Variants in SLC26A6 observed in about 807,000 individuals in gnomAD.
SLC26A6 encodes the protein solute carrier family 26 member 6.
Under a neutral mutation model 87.1 loss-of-function variants are expected in SLC26A6, and 67 were observed. The observed-to-expected ratio is 0.77, with a 90% CI of 0.63 to 0.94. The LOEUF is 0.94. Among genes scored for constraint, SLC26A6 ranks in the 40% least tolerant of loss-of-function variants. The probability of loss-of-function intolerance (pLI) is 0.00; values close to 1 mark genes in which losing one functional copy is unlikely to be tolerated. For missense variants in SLC26A6, 902 were observed against 973.0 expected (o/e 0.93, Z 0.97); for synonymous variants, 414 against 405.9 (o/e 1.02, Z -0.24).
At position 48,633,346 on chromosome 3, in the gene SLC26A6, G is replaced by A. The variant is rs375255971; in HGVS notation, c.227C>T (p.Pro76Leu). Residue 76 changes from proline to leucine, a missense_variant, in exon 3 of 21, where the codon CCG becomes CTG. Coordinates refer to ENST00000395550, the MANE Select transcript of SLC26A6 (RefSeq NM_022911.3). ...ATACCGGGGTAACCAGACCAAAACC[G>A]GGAGGTGTTGGAGCAGAAGGGCATA... Reference protein sequence around the residue: ...RAYALLLQHLPVLVWLPRYPV... With the variant: ...RAYALLLQHLLVLVWLPRYPV... 172 of 1,613,436 alleles carry A rather than the reference G, an allele frequency of 1.1e-4. No homozygotes were observed. Among genetic ancestry groups the A allele is most frequent in the Non-Finnish European group, 2.4e-5 (28 of 1,180,010 alleles).
rs767872034 is a variant in SLC26A6 at position 48,626,992 on chromosome 3, G to C, written c.1957C>G (p.Pro653Ala). 1.9e-6 allele frequency: 3 copies of C among 1,614,198 alleles called. No homozygotes were observed. The highest frequency in any genetic ancestry group is 1.7e-6 in the Non-Finnish European group (2 of 1,180,034). The change falls in exon 18 of 21, where the codon CCA (proline) becomes GCA (alanine). Residue 653 changes from proline (P) to alanine (A), a missense_variant. By Grantham distance (27) the Pro-to-Ala change is conservative. Around this residue, in one of 3 missense-constraint regions of SLC26A6, gnomAD observed 800 missense variants for 856.8 expected, o/e 0.93. Transcript: ENST00000395550. The part of the protein sequence containing the change: ...TANGQEDSKA[P>A]DGSTLKALGL... ...AGGGCCTTCAGTGTGGACCCATCTGGGGCCTTGGAGTCTTCTTGACCATTG... is the reference window on the plus strand; with the variant it reads ...AGGGCCTTCAGTGTGGACCCATCTGCGGCCTTGGAGTCTTCTTGACCATTG...
chr3:48,626,474 A>G (rs2046625854), intron 19 of SLC26A6, 120 bp from the exon 20 acceptor site: 3 of 1,543,272 alleles, frequency 1.9e-6, no homozygotes, highest in Non-Finnish European at 2.7e-6. Flanking sequence ...CTACAGCTGA[A>G]TCCACATCAC....
chr3:48,628,957 T>G lies in SLC26A6; in HGVS notation c.1600-243A>C, dbSNP rs1487563285. On this transcript the variant is annotated intron_variant, in intron 14 of 20. Transcript: ENST00000395550. The surrounding 1 kb of genome is among the most constrained non-coding windows in gnomAD (Gnocchi z 4.4). The stretch of plus-strand genomic sequence containing the variant: ...CCACCCAGGCAGGCTTCACAGGCTC[T>G]TAACCTTTCTCTTGGGTTTCCAACC... Among the ~76,000 whole-genome samples the G allele has an allele frequency of 6.6e-6, 1 of 152,150 alleles. No homozygotes were observed. Among genetic ancestry groups the G allele is most frequent in the African/African-American group, 2.4e-5 (1 of 41,412 alleles).
intron 17 of SLC26A6, chr3:48,627,296 C>T: frequency 1.9e-6 from 1 of 527,054 alleles, no homozygotes; most frequent in Non-Finnish European, 3.4e-6. Context: ...CGACGCTGCA[C>T]AGGGACACGA....
chr3:48,630,121 C>G lies in SLC26A6; in HGVS notation c.1363G>C (p.Gly455Arg), dbSNP rs2046742781. The change falls in exon 12 of 21, where the codon GGC becomes CGC. Residue 455 changes from glycine to arginine, a missense_variant. By Grantham distance (125) the Gly-to-Arg change is moderately radical. Around this residue, in one of 3 missense-constraint regions of SLC26A6, gnomAD observed 800 missense variants for 856.8 expected, o/e 0.93. Transcript: ENST00000395550. ...ATGTCGCTGAGCTGCCTCAGCATGC[C>G]CTTCAGGTTCACAATGATGATGGCT... is the stretch of plus-strand genomic sequence containing the variant. ...LAAIIIVNLK[G>R]MLRQLSDMRS... 6.2e-7 allele frequency: 1 copy of G among 1,610,692 alleles called. No individual in the cohort carries two copies.
rs895932417 is a variant in SLC26A6, at chr3:48,631,019, G to A, written c.1108C>T (p.His370Tyr). 1 of 1,613,840 alleles carries A rather than the reference G, an allele frequency of 6.2e-7. No homozygotes were observed. Among genetic ancestry groups the A allele is most frequent in the Non-Finnish European group, 8.5e-7 (1 of 1,180,030 alleles). Residue 370 changes from histidine (H) to tyrosine (Y), a missense_variant, in exon 9 of 21, where the codon CAC (histidine) becomes TAC (tyrosine). By Grantham distance (83) the His-to-Tyr change is moderately conservative (BLOSUM62 2). Coordinates refer to ENST00000395550, the MANE Select transcript of SLC26A6 (RefSeq NM_022911.3). The part of the protein sequence containing the change: ...ISLGKIFALR[H>Y]GYRVDSNQEL... The stretch of plus-strand genomic sequence containing the variant: ...TGGTTGCTGTCCACCCGGTAGCCGT[G>A]CCTCAGGGCGAAGATCTTCCCCAGT...
At position 48,627,135 on chromosome 3, in the gene SLC26A6, C is replaced by A. The variant is rs878914287; in HGVS notation, c.1894-80G>T. On this transcript the variant is annotated intron_variant, in intron 17 of 20. Transcript: ENST00000395550. ...GGCCGCACACAGACACGCGAGAACACGCAAGGTCAGATGGGGAGCATGCAT... is the reference window on the plus strand; with the variant it reads ...GGCCGCACACAGACACGCGAGAACAAGCAAGGTCAGATGGGGAGCATGCAT... 7.9e-6 allele frequency: 12 copies of A among 1,525,464 alleles called. No homozygotes were observed. The Admixed American group carries it at 2.1e-4, about 27-fold the overall frequency. The allele number at this position is 1,525,464 out of a possible 1,614,324, so 94.5% of individuals were successfully genotyped here.
chr3:48,631,272 C>A lies in SLC26A6; in HGVS notation c.938G>T (p.Gly313Val), dbSNP rs1335271854. Residue 313 changes from glycine (G) to valine (V), a missense_variant, in exon 8 of 21, where the codon GGT becomes GTT. By Grantham distance (109) the Gly-to-Val change is moderately radical. This residue lies in a region of SLC26A6 where 800 missense variants were observed against 856.8 expected (regional missense o/e 0.93). Coordinates refer to ENST00000395550, the MANE Select transcript of SLC26A6 (RefSeq NM_022911.3). Reference protein sequence around the residue: ...IGATGISYGMGLKHRFEVDVV... With the variant: ...IGATGISYGMVLKHRFEVDVV... ...ATCTACCTCAAATCTGTGCTTTAGACCCATGCCATAGGAGATGCCTGTGGC... is the reference window on the plus strand; with the variant it reads ...ATCTACCTCAAATCTGTGCTTTAGAACCATGCCATAGGAGATGCCTGTGGC... 2 of 1,608,188 alleles carry A rather than the reference C, an allele frequency of 1.2e-6. No homozygotes were observed. Among genetic ancestry groups the A allele is most frequent in the Non-Finnish European group, 1.7e-6 (2 of 1,176,782 alleles).
chr3:48,626,376 C>T (rs2046622392), intron 19 of SLC26A6, 22 bp from the exon 20 acceptor site: 2 of 1,613,690 alleles, frequency 1.2e-6, no homozygotes, highest in Admixed American at 1.7e-5. Flanking sequence ...AAGTAGGCCT[C>T]CCCTGACTCT....
In SLC26A6 at chr3:48,631,194, C is replaced by T. The variant is rs1310150363; in HGVS notation, c.986+30G>A. ...AAGGTCCTGTCCTGGCTGCCCAACC[C>T]TCCCTGACCTGATGGAGGCCAGAGC... On this transcript the variant is annotated intron_variant, in intron 8 of 20. Coordinates refer to ENST00000395550, the MANE Select transcript of SLC26A6 (RefSeq NM_022911.3). 3.1e-6 allele frequency: 5 copies of T among 1,611,944 alleles called. No homozygotes were observed. In the East Asian group the frequency reaches 6.7e-5, roughly 22 times the overall value.
At chr3:48,631,477 G>T in intron 7 of SLC26A6, 171 bp from the exon 8 acceptor site, 1 of 1,102,680 alleles carries the variant, frequency 9.1e-7, no homozygotes, top group Non-Finnish European at 1.3e-6. Flanking sequence ...GGGAGATGCT[G>T]TCAGGGGCAG....
chr3:48,630,504 G>A lies in SLC26A6; in HGVS notation c.1260C>T (p.Ala420=). Residue 420 remains alanine (A), a synonymous_variant, in exon 11 of 21, where the codon GCC becomes GCT. Coordinates refer to ENST00000395550, the MANE Select transcript of SLC26A6 (RefSeq NM_022911.3). ...TGAGGAGGATGAAAAGGGAAGAGAT[G>A]GCTCCAGCAACCTGTTCGGGGAGGG... ...STGGNSQVAG[A]ISSLFILLII... 1 of 1,561,180 alleles carries A rather than the reference G, an allele frequency of 6.4e-7. No homozygotes were observed. The highest frequency in any genetic ancestry group is 8.7e-7 in the Non-Finnish European group (1 of 1,152,360).
intron 1 of SLC26A6, among the ~76,000 whole-genome samples, chr3:48,635,136 G>T (rs1325650597): frequency 1.3e-5 from 2 of 152,236 alleles, no homozygotes; most frequent in Non-Finnish European, 2.9e-5. Context: ...TGTGGCCCGG[G>T]ATGGCCCTCG....
intron 20 of SLC26A6, 106 bp downstream of exon 20, chr3:48,626,112 G>A: frequency 1.2e-6 from 2 of 1,610,954 alleles, no homozygotes; most frequent in Non-Finnish European, 1.7e-6. Context: ...GGGCCCACTG[G>A]GGACAGAGCC....
chr3:48,631,396 G>A, intron 7 of SLC26A6, 90 bp from the exon 8 acceptor site: 1 of 1,376,376 alleles, frequency 7.3e-7, no homozygotes, highest in African/African-American at 1.5e-5. Context: ...GGGAGATACT[G>A]GGCAAAACCT....
chr3:48,633,548 G>C lies in SLC26A6; in HGVS notation c.111C>G (p.Asn37Lys), dbSNP rs761760284. Reference protein sequence around the residue: ...RDYHMERPLLNQEHLEELGRW... With the variant: ...RDYHMERPLLKQEHLEELGRW... ...GCCCCAGCTCCTCCAAATGCTCCTG[G>C]TTCAGCAGCGGCCGTTCCATGTGGT... Residue 37 changes from asparagine to lysine, a missense_variant, in exon 2 of 21, where the codon AAC (asparagine) becomes AAG (lysine). Coordinates refer to ENST00000395550, the MANE Select transcript of SLC26A6 (RefSeq NM_022911.3). The C allele has an allele frequency of 1.2e-6, 2 of 1,613,524 alleles. No homozygotes were observed. Among genetic ancestry groups the C allele is most frequent in the East Asian group, 4.5e-5 (2 of 44,880 alleles).
rs1213738658 is a variant in SLC26A6, at chr3:48,625,839, T to TG, written c.*146dup. The TG allele has an allele frequency of 2.6e-5, 27 of 1,026,058 alleles. No individual in the cohort carries two copies. The highest frequency in any genetic ancestry group is 4.9e-5 in the East Asian group (2 of 41,042). 63.6% of individuals were successfully genotyped at this position (1,026,058 alleles called of 1,614,324 possible). ...TGTCCCAGACCTGGAGCGCTGAACT[T>TG]GGAGTCCCAGGACCTCCTTCCCTGA... On this transcript the variant is annotated 3_prime_UTR_variant, in exon 21 of 21. Coordinates refer to ENST00000395550, the MANE Select transcript of SLC26A6 (RefSeq NM_022911.3). This position sits in a 1 kb window ranked among gnomAD's most constrained non-coding sequence, Gnocchi z 4.7.
intron 14 of SLC26A6, among the ~76,000 whole-genome samples, chr3:48,629,287 G>A (rs544230146): frequency 2.6e-5 from 4 of 152,296 alleles, no homozygotes; most frequent in Non-Finnish European, 4.4e-5. Flanking sequence ...ATGGATGACT[G>A]AGGACTTAGT....
intron 5 of SLC26A6, 43 bp downstream of exon 5, chr3:48,632,202 C>T: frequency 6.4e-7 from 1 of 1,567,814 alleles, no homozygotes; most frequent in Non-Finnish European, 8.7e-7. Context: ...GTGGCGGGAG[C>T]AGAAGTGGTG....
Sources: gnomAD v4.1 joint callset for allele counts (sites outside exome capture counted in the v4.1 genomes callset) on GRCh38, gnomAD v4.1.1 for gene constraint, gnomAD v4.1.1 regional missense constraint, Gnocchi (gnomAD v3.1) non-coding constraint, MANE v1.5 for transcripts, NCBI Gene and HGNC (gene_info 2026-07-23, HGNC 2026-07-21) for gene names.